Variants in MTRR observed in about 807,000 individuals in gnomAD.
The protein encoded by MTRR is 5-methyltetrahydrofolate-homocysteine methyltransferase reductase.
In MTRR, 63 loss-of-function variants were observed where a neutral mutation model predicts 79.2. That is an observed-to-expected ratio of 0.80 (90% confidence interval 0.65 to 0.98). The LOEUF is 0.98. Among genes scored for constraint, MTRR ranks in the 50% least tolerant of loss-of-function variants. MTRR has a pLI of 0.00. For synonymous variants in MTRR, 355 were observed against 313.3 expected (o/e 1.13, Z -1.41); for missense variants, 895 against 839.6 (o/e 1.07, Z -0.82).
In MTRR at chr5:7,861,036, C is replaced by A. The variant is rs1746499656; in HGVS notation, n.392-915C>A. On this transcript the variant is annotated intron_variant and non_coding_transcript_variant, in intron 1 of 3. Coordinates refer to the MTRR transcript ENST00000502509. Reference sequence around the variant, plus strand: ...TCCAGTTCAATAATTGCTGCCTGATCAAATTCTTTAAAATTTTACTGTGCC... The same window carrying A: ...TCCAGTTCAATAATTGCTGCCTGATAAAATTCTTTAAAATTTTACTGTGCC... The A allele has an allele frequency of 2.3e-5, 15 of 649,622 alleles. No individual in the cohort carries two copies. In the South Asian group the frequency reaches 3.2e-4, roughly 14 times the overall value. The allele number at this position is 649,622 out of a possible 1,614,324, so 40.2% of individuals were successfully genotyped here.
chr5:7,897,074 C>G lies in MTRR; in HGVS notation c.1779C>G (p.Leu593=), dbSNP rs1359716261. 1 of 1,614,078 alleles carries G rather than the reference C, an allele frequency of 6.2e-7. No homozygotes were observed. Among genetic ancestry groups the G allele is most frequent in the Non-Finnish European group, 8.5e-7 (1 of 1,179,976 alleles). Residue 593 remains leucine, a synonymous_variant, in exon 14 of 15, where the codon CTC becomes CTG. Transcript: ENST00000440940. ...KDRDYLFRKE[L]RHFLKHGILT... is the part of the protein sequence containing the mutation. ...ATATATTATATTTCAGAAAAGAGCT[C>G]AGACATTTCCTTAAGCATGGGATCT...
chr5:7,857,674 C>G (rs1003701940), intron 1 of MTRR, among the ~76,000 whole-genome samples: 3 of 152,248 alleles, frequency 2.0e-5, no homozygotes, highest in African/African-American at 7.2e-5. Flanking sequence ...GGCCTCACCA[C>G]TCCCATCGCC....
At chr5:7,852,071 T>C (rs140670908) in intron 1 of MTRR, among the ~76,000 whole-genome samples, 1 of 152,258 alleles carries the variant, frequency 6.6e-6, no homozygotes, top group African/African-American at 2.4e-5. Context: ...TGTGTTTGAA[T>C]GGCAGCAGGA....
intron 1 of MTRR, chr5:7,861,926 T>G: frequency 3.0e-6 from 1 of 338,846 alleles, no homozygotes; most frequent in Non-Finnish European, 4.9e-6. Flanking sequence ...GAACCATGCA[T>G]GCTTTCTCTT....
chr5:7,899,118 C>T (rs35400615), intron 14 of MTRR, among the ~76,000 whole-genome samples: 45,361 of 151,932 alleles, frequency 0.3, 7,327 homozygotes, highest in Middle Eastern at 0.44. Flanking sequence ...AGAGGGAGAA[C>T]TCACTCATTA....
At chr5:7,869,260 C>T (rs1416391774) in intron 1 of MTRR, 45 bp downstream of exon 1, 1 of 1,596,920 alleles carries the variant, frequency 6.3e-7, no homozygotes, top group African/African-American at 1.3e-5. Context: ...GGCCGCTCGC[C>T]CTGCACTAAT....
intron 11 of MTRR, among the ~76,000 whole-genome samples, chr5:7,894,984 G>A (rs1162803370): frequency 6.6e-6 from 1 of 152,142 alleles, no homozygotes; most frequent in Non-Finnish European, 1.5e-5. Flanking sequence ...CATTTAAAAG[G>A]TATGGTGTTC....
At chr5:7,869,463 G>T (rs1014315121) in intron 1 of MTRR, 1 of 551,500 alleles carries the variant, frequency 1.8e-6, no homozygotes, top group Non-Finnish European at 3.2e-6. Flanking sequence ...GCCCCTGGGC[G>T]GCGTGGGGTC....
At chr5:7,869,094 G>A (rs770803714), upstream of MTRR, 3 of 1,609,010 alleles carry the variant, frequency 1.9e-6, no homozygotes, top group Non-Finnish European at 2.6e-6. Flanking sequence ...GATTGGCCCA[G>A]GTCCCCTTCG....
At chr5:7,862,838 A>C in intron 2 of MTRR, 3 of 1,612,950 alleles carry the variant, frequency 1.9e-6, no homozygotes, top group Non-Finnish European at 2.5e-6. Context: ...GTATAACAAT[A>C]GGGTGTCAAC....
chr5:7,888,011 A>G (rs1207372577), intron 8 of MTRR, among the ~76,000 whole-genome samples: 1 of 151,816 alleles, frequency 6.6e-6, no homozygotes, highest in Non-Finnish European at 1.5e-5. Flanking sequence ...AACTTAAATC[A>G]AGAATCTGTA....
chr5:7,861,729 T>C (rs1363642005), intron 1 of MTRR: 2 of 1,542,166 alleles, frequency 1.3e-6, no homozygotes, highest in Non-Finnish European at 8.7e-7. Flanking sequence ...TTCCTTTGCT[T>C]TGCTTTGATT....
At chr5:7,897,337 A>C (rs1738713887) in intron 14 of MTRR, 90 bp downstream of exon 14, 17 of 1,248,080 alleles carry the variant, frequency 1.4e-5, no homozygotes, top group Non-Finnish European at 2.0e-5. Context: ...AATAATCTAG[A>C]TATGTAGGGA....
intron 2 of MTRR, among the ~76,000 whole-genome samples, chr5:7,871,505 G>T (rs2126650511): frequency 6.6e-6 from 1 of 152,326 alleles, no homozygotes; most frequent in East Asian, 1.9e-4. Flanking sequence ...GCTGCCTCCA[G>T]ATTATACTAT....
In MTRR at chr5:7,889,077, G is replaced by A; in HGVS notation, c.1147-18G>A. On this transcript the variant is annotated intron_variant, in intron 8 of 14. Transcript: ENST00000440940. ...CCCACAAATTGTGTCACAATTTAAGGCGGGCTCCTTTTTGTAGGCATTTTT... is the reference window on the plus strand; with the variant it reads ...CCCACAAATTGTGTCACAATTTAAGACGGGCTCCTTTTTGTAGGCATTTTT... 1 of 1,613,938 alleles carries A rather than the reference G, an allele frequency of 6.2e-7. No homozygotes were observed. Among genetic ancestry groups the A allele is most frequent in the Non-Finnish European group, 8.5e-7 (1 of 1,180,008 alleles).
At chr5:7,867,813 C>G (rs1747121029), upstream of MTRR, 3 of 1,614,160 alleles carry the variant, frequency 1.9e-6, no homozygotes, top group East Asian at 6.7e-5. Flanking sequence ...ACATTTTGTT[C>G]AAGCCTGTCG....
chr5:7,852,541 C>T (rs1240387109), intron 1 of MTRR, among the ~76,000 whole-genome samples: 1 of 152,056 alleles, frequency 6.6e-6, no homozygotes, highest in East Asian at 1.9e-4. Flanking sequence ...TGTCTCTAAG[C>T]CCCAGGGGAC....
At position 7,900,006 on chromosome 5, in the gene MTRR, C is replaced by T. The variant is rs1296002312; in HGVS notation, c.2045C>T (p.Thr682Ile). 6.2e-7 allele frequency: 1 copy of T among 1,613,976 alleles called. No individual in the cohort carries two copies. Among genetic ancestry groups the T allele is most frequent in the South Asian group, 1.1e-5 (1 of 91,062 alleles). Residue 682 changes from threonine to isoleucine, a missense_variant, in exon 15 of 15, where the codon ACC becomes ATC. Coordinates refer to ENST00000440940, the MANE Select transcript of MTRR (RefSeq NM_002454.3). Reference protein sequence around the residue: ...VGVEKLEAMKTLATLKEEKRY... With the variant: ...VGVEKLEAMKILATLKEEKRY... ...GTTGAAAAACTAGAAGCAATGAAAA[C>T]CCTGGCCACTTTAAAAGAAGAAAAA...
In MTRR at chr5:7,892,913, G is replaced by T. The variant is rs202141889; in HGVS notation, c.1557G>T (p.Lys519Asn). The T allele has an allele frequency of 2.1e-5, 34 of 1,613,348 alleles. No homozygotes were observed. Among genetic ancestry groups the T allele is most frequent in the African/African-American group, 2.7e-5 (2 of 74,890 alleles). Residue 519 changes from lysine (K) to asparagine (N), a missense_variant and splice_region_variant, in exon 11 of 15, where the codon AAG becomes AAT. Lys to Asn is a moderately conservative substitution (Grantham distance 94). Transcript: ENST00000440940. Reference sequence around the variant, plus strand: ...ACAGCGGGAAAGCCCTGGCTCCTAAGGTAAGAAATTAGTACCTTAACCTCA... The same window carrying T: ...ACAGCGGGAAAGCCCTGGCTCCTAATGTAAGAAATTAGTACCTTAACCTCA... ...HEDSGKALAP[K>N]ISISPRTTNS...
Sources: gnomAD v4.1 joint callset for allele counts (sites outside exome capture counted in the v4.1 genomes callset) on GRCh38, gnomAD v4.1.1 for gene constraint, MANE v1.5 for transcripts, NCBI Gene and HGNC (gene_info 2026-07-23, HGNC 2026-07-21) for gene names.